The following NHSL1 variants were observed in gnomAD, a reference collection of about 807,000 sequenced individuals.
NHSL1 encodes the protein NHS like 1, also known as NHS-like protein 1.
Under a neutral mutation model 95.0 loss-of-function variants are expected in NHSL1, and 48 were observed. The ratio of observed to expected loss-of-function variants is 0.51; its 90% CI spans 0.40 to 0.64. The LOEUF (loss-of-function observed/expected upper bound fraction) is 0.64. Among genes scored for constraint, NHSL1 ranks in the 30% least tolerant of loss-of-function variants. The pLI, the probability that NHSL1 is intolerant of heterozygous loss-of-function variation, is 0.00. For missense variants in NHSL1, 1,971 were observed against 2,077.7 expected, an observed-to-expected ratio of 0.95 and a Z score of 1.00; for synonymous variants, 783 against 833.9, an observed-to-expected ratio of 0.94 and a Z score of 1.05.
intron 5 of NHSL1, among the ~76,000 whole-genome samples, chr6:138,438,687 AT>A (rs1430782801): frequency 1.3e-5 from 2 of 152,174 alleles, no homozygotes; most frequent in African/African-American, 2.4e-5. Context: ...TTTCTAAAAA[AT>A]ATATGTAATT....
At chr6:138,616,236 T>G (rs1231867642) in intron 1 of NHSL1, among the ~76,000 whole-genome samples, 1 of 152,174 alleles carries the variant, frequency 6.6e-6, no homozygotes, top group Non-Finnish European at 1.5e-5. Flanking sequence ...CTATATACAT[T>G]GCGGCACACC....
intron 1 of NHSL1, among the ~76,000 whole-genome samples, chr6:138,510,265 G>T (rs1215436829): frequency 6.6e-6 from 1 of 152,108 alleles, no homozygotes; most frequent in Non-Finnish European, 1.5e-5. Context: ...CAATTAATCG[G>T]CTGGTGTGCT....
At chr6:138,485,295 T>C (rs948660133) in intron 2 of NHSL1, among the ~76,000 whole-genome samples, 7 of 152,068 alleles carry the variant, frequency 4.6e-5, no homozygotes, top group African/African-American at 1.7e-4. Context: ...TTATCGGGAG[T>C]TAAAATAGAA....
chr6:138,617,269 G>T (rs906716119), intron 1 of NHSL1, among the ~76,000 whole-genome samples: 46 of 152,226 alleles, frequency 3.0e-4, no homozygotes, highest in African/African-American at 1.1e-3. Flanking sequence ...AGACGGAAAG[G>T]GGATCTTTCA....
Position 138,610,486 on chromosome 6 carries a change from A to G in NHSL1, c.96+81990T>C, listed in dbSNP as rs1784495410. The stretch of plus-strand genomic sequence containing the variant: ...GCACACCAACATGGCACATGTATAC[A>G]TATGTTACAAACCTGCACGTTGCGC... On this transcript the variant is annotated intron_variant, in intron 1 of 3. Transcript: ENST00000491526. Among the ~76,000 whole-genome samples, 8 of 151,370 alleles carry G rather than the reference A, an allele frequency of 5.3e-5. No homozygotes were observed. The South Asian group carries it at 1.7e-3, about 32-fold the overall frequency.
At chr6:138,607,819 A>C (rs1784455023) in intron 1 of NHSL1, among the ~76,000 whole-genome samples, 1 of 152,216 alleles carries the variant, frequency 6.6e-6, no homozygotes, top group Non-Finnish European at 1.5e-5. Context: ...GGTGCTTTGT[A>C]ATGTCTTCAA....
intron 1 of NHSL1, among the ~76,000 whole-genome samples, chr6:138,556,649 T>C (rs760637495): frequency 2.0e-4 from 31 of 151,734 alleles, no homozygotes; most frequent in African/African-American, 7.5e-4. Flanking sequence ...ACTGGGATAT[T>C]AGTGGTTCAT....
At chr6:138,614,771 G>C (rs1562392093) in intron 1 of NHSL1, among the ~76,000 whole-genome samples, 1 of 152,168 alleles carries the variant, frequency 6.6e-6, no homozygotes, top group Non-Finnish European at 1.5e-5. Flanking sequence ...TCCACCTCCT[G>C]TCGGATCAGC....
At chr6:138,593,470 C>T (rs527950066) in intron 1 of NHSL1, among the ~76,000 whole-genome samples, 65 of 152,354 alleles carry the variant, frequency 4.3e-4, no homozygotes, top group African/African-American at 1.5e-3. Flanking sequence ...AGAGTGCTGA[C>T]GCACTTAGGA....
rs376500808 is a variant in NHSL1, at chr6:138,431,959, G to T, written c.2386C>A (p.Pro796Thr). 15 of 1,551,632 alleles carry T rather than the reference G, an allele frequency of 9.7e-6. No individual in the cohort carries two copies. In the African/African-American group the frequency reaches 1.6e-4, roughly 17 times the overall value. ...CTGCTGGTTGAACAGCCCCCTGCCG[G>T]GTTCCCCGGATCTTCCTGCATGCCC... ...YTGMQEDPGN[P>T]AGGCSTSSGV... Residue 796 changes from proline to threonine, a missense_variant, in exon 6 of 8, where the codon CCG (proline) becomes ACG (threonine). Pro to Thr is a conservative substitution (Grantham distance 38). This residue lies in a region of NHSL1 where 1,602 missense variants were observed against 1,654.5 expected (regional missense o/e 0.97). Transcript: ENST00000343505. The surrounding 1 kb of genome is among the most constrained non-coding windows in gnomAD (Gnocchi z 4.0).
intron 1 of NHSL1, among the ~76,000 whole-genome samples, chr6:138,630,383 C>T (rs1583457839): frequency 1.3e-5 from 2 of 151,952 alleles, no homozygotes; most frequent in South Asian, 4.2e-4. Flanking sequence ...TGAAGTTTCT[C>T]GTGTTTTTTT....
chr6:138,424,266 C>G lies in NHSL1; in HGVS notation c.4636G>C (p.Ala1546Pro). 6 of 1,496,500 alleles carry G rather than the reference C, an allele frequency of 4.0e-6. No homozygotes were observed. Among genetic ancestry groups the G allele is most frequent in the Non-Finnish European group, 5.4e-6 (6 of 1,121,130 alleles). The allele number at this position is 1,496,500 out of a possible 1,614,324, so 92.7% of individuals were successfully genotyped here. The change falls in exon 8 of 8, where the codon GCT becomes CCT. Residue 1546 changes from alanine to proline, a missense_variant. Ala to Pro is a conservative substitution (Grantham distance 27, BLOSUM62 -1). Transcript: ENST00000343505. This position sits in a 1 kb window ranked among gnomAD's most constrained non-coding sequence, Gnocchi z 5.9. The stretch of plus-strand genomic sequence containing the variant: ...CCGTCCAGGGAACATCCCTCCGCAG[C>G]GCCCAGAGCCCCGCGGGCTATGCTG... ...VDSIARGALGAAEGCSLDGLA... is the reference protein window; with the variant it reads ...VDSIARGALGPAEGCSLDGLA...
At chr6:138,456,664 A>G (rs1455907015) in intron 3 of NHSL1, among the ~76,000 whole-genome samples, 1 of 152,182 alleles carries the variant, frequency 6.6e-6, no homozygotes, top group African/African-American at 2.4e-5. Context: ...ATCAAATATA[A>G]CTTCCGATAA....
At chr6:138,467,394 C>T (rs956747852) in intron 3 of NHSL1, among the ~76,000 whole-genome samples, 4 of 152,154 alleles carry the variant, frequency 2.6e-5, no homozygotes, top group African/African-American at 4.8e-5. Context: ...CCTCATGATC[C>T]GCCCGCCTCG....
chr6:138,670,744 G>A (rs561505016), intron 1 of NHSL1, among the ~76,000 whole-genome samples: 1 of 151,560 alleles, frequency 6.6e-6, no homozygotes, highest in South Asian at 2.1e-4. Context: ...ACTAAAAGCA[G>A]GATGTTATAT....
At chr6:138,545,769 ACTCCAGGAAGCC>A, upstream of NHSL1, 1 of 1,201,828 alleles carries the variant, frequency 8.3e-7, no homozygotes, top group Non-Finnish European at 1.1e-6. Context: ...AGCGCCTGTT[ACTCCAGGAAGCC>A]ACTGCCCAAT....
chr6:138,472,324 C>T (rs1778807576), intron 3 of NHSL1, among the ~76,000 whole-genome samples: 2 of 152,006 alleles, frequency 1.3e-5, no homozygotes, highest in East Asian at 1.9e-4. Context: ...ATGGAGTGAC[C>T]ACAACTCAAA....
chr6:138,591,955 C>T (rs1784235772), intron 1 of NHSL1, among the ~76,000 whole-genome samples: 1 of 152,118 alleles, frequency 6.6e-6, no homozygotes, highest in Non-Finnish European at 1.5e-5. Flanking sequence ...CAGGCATCCA[C>T]CGAGGGTTTT....
rs1360995288 is a variant in NHSL1 at position 138,454,310 on chromosome 6, G to A, written c.340-7117C>T. ...CACATCCATGTAGTTGTGTGAAACT[G>A]TAATTCATTCATTTCACTGGGGTAT... is the stretch of plus-strand genomic sequence containing the variant. On this transcript the variant is annotated intron_variant, in intron 3 of 7. Coordinates refer to ENST00000343505, the MANE Select transcript of NHSL1 (RefSeq NM_001144060.2). 5.3e-5 allele frequency among the ~76,000 whole-genome samples: 8 copies of A among 152,168 alleles called. No individual in the cohort carries two copies. In the East Asian group the frequency reaches 1.3e-3, roughly 26 times the overall value.
Sources: gnomAD v4.1 joint callset for allele counts (sites outside exome capture counted in the v4.1 genomes callset) on GRCh38, gnomAD v4.1.1 for gene constraint, gnomAD v4.1.1 regional missense constraint, Gnocchi (gnomAD v3.1) non-coding constraint, MANE v1.5 for transcripts, NCBI Gene and HGNC (gene_info 2026-07-23, HGNC 2026-07-21) for gene names.